The following NT5DC3 variants were observed in gnomAD, a reference collection of about 807,000 sequenced individuals.
NT5DC3 encodes 5'-nucleotidase domain-containing protein 3.
A neutral mutation model predicts 67.8 loss-of-function variants in NT5DC3; 42 were observed. The observed-to-expected ratio is 0.62, with a 90% CI of 0.48 to 0.80. NT5DC3 has a LOEUF of 0.80. Ranked by LOEUF, NT5DC3 falls within the 30% of genes least tolerant of loss-of-function variation. The pLI, the probability that NT5DC3 is intolerant of heterozygous loss-of-function variation, is 0.00. For synonymous variants in NT5DC3, 237 were observed against 255.6 expected (o/e 0.93, Z 0.69); for missense variants, 570 against 696.4 (o/e 0.82, Z 2.04).
At chr12:103,764,914 A>C in the NT5DC3 span, among the ~76,000 whole-genome samples, 1 of 148,200 alleles carries the variant, frequency 6.7e-6, no homozygotes, top group Admixed American at 6.8e-5. Flanking sequence ...CCTGGCCAAC[A>C]TGGTGAAATC....
downstream of NT5DC3, among the ~76,000 whole-genome samples, chr12:103,767,222 C>CCAAA (rs1435340366): frequency 2.6e-5 from 4 of 152,128 alleles, no homozygotes; most frequent in Non-Finnish European, 2.9e-5. Context: ...CTGTGGTATT[C>CCAAA]CAAACAATAA....
At chr12:103,750,465 T>C in the NT5DC3 span, 3 of 1,365,190 alleles carry the variant, frequency 2.2e-6, no homozygotes, top group Admixed American at 4.0e-5. Flanking sequence ...GAAAGGCACG[T>C]TCTCTTGGTC....
At chr12:103,764,689 T>G in the NT5DC3 span, among the ~76,000 whole-genome samples, 1 of 152,232 alleles carries the variant, frequency 6.6e-6, no homozygotes, top group African/African-American at 2.4e-5. Context: ...TATCTTGTGG[T>G]TCTTCATGCC....
chr12:103,794,136 G>T, intron 6 of NT5DC3, 139 bp from the exon 7 acceptor site: 2 of 614,454 alleles, frequency 3.3e-6, no homozygotes, highest in Non-Finnish European at 5.6e-6. Flanking sequence ...CTAAATTCTG[G>T]TCCATTTTCT....
intron 1 of NT5DC3, among the ~76,000 whole-genome samples, chr12:103,831,520 A>T (rs1887923372): frequency 6.6e-6 from 1 of 152,150 alleles, no homozygotes; most frequent in Non-Finnish European, 1.5e-5. Context: ...ACACTTCCAA[A>T]ACCTGCCCCC....
At chr12:103,756,443 C>T in the NT5DC3 span, among the ~76,000 whole-genome samples, 1 of 151,596 alleles carries the variant, frequency 6.6e-6, no homozygotes, top group Non-Finnish European at 1.5e-5. Context: ...TCTCCCCAAA[C>T]CCTCAGATAG....
chr12:103,794,024 C>G, intron 6 of NT5DC3, 27 bp from the exon 7 acceptor site: 1 of 1,585,270 alleles, frequency 6.3e-7, no homozygotes, highest in Non-Finnish European at 8.7e-7. Flanking sequence ...TTTTAATCAG[C>G]GAAAATACAA....
At chr12:103,761,296 C>T in the NT5DC3 span, 1 of 1,613,762 alleles carries the variant, frequency 6.2e-7, no homozygotes, top group Non-Finnish European at 8.5e-7. Flanking sequence ...TCTCATTTCC[C>T]TAGACGGAGA....
chr12:103,808,017 G>C (rs1276248468), intron 2 of NT5DC3, among the ~76,000 whole-genome samples: 3 of 152,028 alleles, frequency 2.0e-5, no homozygotes, highest in Non-Finnish European at 2.9e-5. Context: ...CAGTTCCCCG[G>C]GTATTTCCTA....
At chr12:103,762,684 G>A in the NT5DC3 span, among the ~76,000 whole-genome samples, 3 of 152,194 alleles carry the variant, frequency 2.0e-5, no homozygotes, top group Admixed American at 6.5e-5. Context: ...GTTTGGCCTG[G>A]AGGCACATTC....
chr12:103,818,780 G>C (rs11111798), intron 1 of NT5DC3, among the ~76,000 whole-genome samples: 9,771 of 152,288 alleles, frequency 0.064, 742 homozygotes, highest in East Asian at 0.37. Context: ...TTCTAGGGAA[G>C]AGGAGAAGCT....
the NT5DC3 span, among the ~76,000 whole-genome samples, chr12:103,758,652 G>C: frequency 6.6e-6 from 1 of 152,224 alleles, no homozygotes; most frequent in African/African-American, 2.4e-5. Context: ...GGCCTGATAG[G>C]TCACATGACT....
At chr12:103,779,553 GC>G (rs1416768436) in intron 13 of NT5DC3, among the ~76,000 whole-genome samples, 1 of 152,060 alleles carries the variant, frequency 6.6e-6, no homozygotes, top group East Asian at 1.9e-4. Context: ...TGGACTCACT[GC>G]CCCCTCTCCA....
chr12:103,830,993 G>A (rs983920482), intron 1 of NT5DC3, among the ~76,000 whole-genome samples: 6 of 152,114 alleles, frequency 3.9e-5, no homozygotes, highest in Non-Finnish European at 7.4e-5. Context: ...CTGGGTTTAC[G>A]GTCTATTTAT....
At chr12:103,788,776 T>C in intron 10 of NT5DC3, 62 bp downstream of exon 10, 1 of 1,017,810 alleles carries the variant, frequency 9.8e-7, no homozygotes, top group Non-Finnish European at 1.6e-6. Context: ...GAACATCAGC[T>C]ATTAGCATTA....
chr12:103,836,303 CAAGAT>C (rs1888144821), intron 1 of NT5DC3, among the ~76,000 whole-genome samples: 1 of 152,188 alleles, frequency 6.6e-6, no homozygotes, highest in Admixed American at 6.5e-5. Flanking sequence ...TCATCTAAGA[CAAGAT>C]AAGTCCCTTC....
Position 103,799,716 on chromosome 12 carries a change from G to A in NT5DC3, c.525-1039C>T, listed in dbSNP as rs866158626. ...ACCACCTTGGAGAGGAAATGACCCT[G>A]AATGCTTTGTGACACTGAAGGCCAG... On this transcript the variant is annotated intron_variant, in intron 4 of 13. Transcript: ENST00000392876. 1.1e-4 allele frequency among the ~76,000 whole-genome samples: 17 copies of A among 151,576 alleles called. No individual in the cohort carries two copies. The South Asian group carries it at 2.3e-3, about 21-fold the overall frequency.
intron 1 of NT5DC3, among the ~76,000 whole-genome samples, chr12:103,822,539 A>G (rs937495330): frequency 1.3e-5 from 2 of 152,226 alleles, no homozygotes; most frequent in African/African-American, 4.8e-5. Context: ...TATAATAAGC[A>G]TGTGTTATTT....
At chr12:103,825,568 G>A (rs1288090275) in intron 1 of NT5DC3, among the ~76,000 whole-genome samples, 1 of 152,202 alleles carries the variant, frequency 6.6e-6, no homozygotes, top group Admixed American at 6.5e-5. Context: ...AAGGCAGAAG[G>A]ATGGCTTGAA....
Sources: gnomAD v4.1 joint callset for allele counts (sites outside exome capture counted in the v4.1 genomes callset) on GRCh38, gnomAD v4.1.1 for gene constraint, MANE v1.5 for transcripts, NCBI Gene and HGNC (gene_info 2026-07-23, HGNC 2026-07-21) for gene names.